The following OPCML variants were observed in gnomAD, a reference collection of about 807,000 sequenced individuals.
The protein encoded by OPCML is opioid binding protein/cell adhesion molecule like.
A neutral mutation model predicts 37.8 loss-of-function variants in OPCML; 13 were observed. That is an observed-to-expected ratio of 0.34 (90% CI 0.22 to 0.55). The LOEUF is 0.55. Ranked by LOEUF, OPCML falls within the 20% of genes least tolerant of loss-of-function variation. The pLI, the probability that OPCML is intolerant of heterozygous loss-of-function variation, is 0.91. For missense variants in OPCML, 341 were observed against 435.6 expected, an observed-to-expected ratio of 0.78 and a Z score of 1.93; for synonymous variants, 176 against 168.8, an observed-to-expected ratio of 1.04 and a Z score of -0.33.
chr11:132,662,358 C>T (rs1350802263), intron 2 of OPCML, among the ~76,000 whole-genome samples: 1 of 142,566 alleles, frequency 7.0e-6, no homozygotes, highest in Admixed American at 7.2e-5. Context: ...AATCAATTGG[C>T]TTTAACTTTT....
chr11:133,512,606 C>T (rs1189010516), intron 1 of OPCML, among the ~76,000 whole-genome samples: 1 of 152,222 alleles, frequency 6.6e-6, no homozygotes, highest in East Asian at 1.9e-4. Context: ...GAAGTCCCAA[C>T]CTTCCAATCA....
intron 1 of OPCML, among the ~76,000 whole-genome samples, chr11:133,140,825 ACG>A (rs1949779687): frequency 9.8e-5 from 3 of 30,570 alleles, no homozygotes; most frequent in African/African-American, 1.7e-4. Context: ...GAAGAAGAAG[ACG>A]ACGACGAAGA....
At chr11:133,000,524 C>T (rs1946978674) in intron 1 of OPCML, among the ~76,000 whole-genome samples, 1 of 152,218 alleles carries the variant, frequency 6.6e-6, no homozygotes, top group East Asian at 1.9e-4. Context: ...AACAATGCCC[C>T]TCACAAGCTC....
intron 1 of OPCML, among the ~76,000 whole-genome samples, chr11:133,289,474 A>C (rs950565092): frequency 2.0e-5 from 3 of 150,540 alleles, no homozygotes; most frequent in Admixed American, 6.6e-5. Context: ...GGGCGCCTGT[A>C]GTCCCAGCTA....
At chr11:133,291,815 A>T (rs537290409) in intron 1 of OPCML, among the ~76,000 whole-genome samples, 1 of 152,172 alleles carries the variant, frequency 6.6e-6, no homozygotes, top group African/African-American at 2.4e-5. Context: ...AATCTTCACA[A>T]AAAAGTTCAG....
chr11:132,658,100 T>C (rs1041721907), intron 2 of OPCML, among the ~76,000 whole-genome samples: 2 of 152,162 alleles, frequency 1.3e-5, no homozygotes, highest in African/African-American at 4.8e-5. Context: ...ACCTGCAGGC[T>C]GTCAGGTCTG....
At chr11:132,767,396 A>G (rs1258405249) in intron 2 of OPCML, among the ~76,000 whole-genome samples, 1 of 152,228 alleles carries the variant, frequency 6.6e-6, no homozygotes. Flanking sequence ...TTTGAGGTCA[A>G]TAACTAATAT....
intron 1 of OPCML, among the ~76,000 whole-genome samples, chr11:133,440,412 AAAG>A (rs1946337871): frequency 1.3e-5 from 2 of 148,612 alleles, no homozygotes; most frequent in Admixed American, 6.7e-5. Flanking sequence ...AAAAAAAAAA[AAAG>A]AAAGAAAGAA....
At chr11:132,471,788 C>A (rs1016753774) in intron 4 of OPCML, among the ~76,000 whole-genome samples, 3 of 152,182 alleles carry the variant, frequency 2.0e-5, no homozygotes, top group African/African-American at 7.2e-5. Flanking sequence ...TTAAGGATAG[C>A]CACGGACCTA....
At chr11:132,917,414 G>C (rs1185174061) in intron 2 of OPCML, among the ~76,000 whole-genome samples, 1 of 135,572 alleles carries the variant, frequency 7.4e-6, no homozygotes, top group African/African-American at 3.7e-5. Flanking sequence ...CTCTGGAGTA[G>C]TTAGCATGTT....
intron 3 of OPCML, among the ~76,000 whole-genome samples, chr11:132,570,044 T>G (rs527601241): frequency 6.6e-6 from 1 of 151,962 alleles, no homozygotes; most frequent in Non-Finnish European, 1.5e-5. Flanking sequence ...CTAAGGGCAA[T>G]TCTAAAAATT....
chr11:132,882,876 G>C (rs183879723), intron 2 of OPCML, among the ~76,000 whole-genome samples: 288 of 152,282 alleles, frequency 1.9e-3, no homozygotes, highest in African/African-American at 5.6e-3. Context: ...AAAAAACTCT[G>C]AAGATCAAGA....
chr11:132,863,913 AT>A (rs60564335), intron 2 of OPCML, among the ~76,000 whole-genome samples: 3 of 150,876 alleles, frequency 2.0e-5, no homozygotes, highest in Middle Eastern at 3.4e-3. Flanking sequence ...GTTATCACTG[AT>A]TTTTTTTATT....
Position 132,628,469 on chromosome 11 carries a change from A to T in OPCML, c.379+28618T>A, listed in dbSNP as rs897205857. On this transcript the variant is annotated intron_variant, in intron 3 of 7. Transcript: ENST00000524381. ...CTGGGGTCTTGCTGACCTTGGAAGC[A>T]CTACCCCTCCCAGGATTAGTCAATT... is the stretch of plus-strand genomic sequence containing the variant. 9.2e-5 allele frequency among the ~76,000 whole-genome samples: 14 copies of T among 152,276 alleles called. No individual in the cohort carries two copies. In the South Asian group the frequency reaches 2.5e-3, roughly 27 times the overall value.
intron 1 of OPCML, among the ~76,000 whole-genome samples, chr11:133,411,672 G>A (rs1945654923): frequency 6.6e-6 from 1 of 152,096 alleles, no homozygotes; most frequent in South Asian, 2.1e-4. Context: ...CATGAGAGGA[G>A]GGGTGGCCAA....
chr11:132,528,544 C>A (rs1183906411), intron 4 of OPCML, among the ~76,000 whole-genome samples: 1 of 152,198 alleles, frequency 6.6e-6, no homozygotes, highest in Non-Finnish European at 1.5e-5. Context: ...TCAGCACAGT[C>A]ATGCCCAAAT....
At chr11:133,162,359 A>G (rs547809406) in intron 1 of OPCML, among the ~76,000 whole-genome samples, 2 of 152,336 alleles carry the variant, frequency 1.3e-5, no homozygotes, top group Non-Finnish European at 2.9e-5. Context: ...CACGTGCCCC[A>G]GAATTTTGCT....
intron 1 of OPCML, among the ~76,000 whole-genome samples, chr11:133,098,659 G>A (rs77619064): frequency 0.012 from 1,893 of 152,222 alleles, 31 homozygotes; most frequent in Non-Finnish European, 0.019. Context: ...ACTAGGAATA[G>A]GAAGAAAATT....
At chr11:132,504,894 C>T (rs1343410307) in intron 4 of OPCML, among the ~76,000 whole-genome samples, 1 of 151,928 alleles carries the variant, frequency 6.6e-6, no homozygotes, top group East Asian at 1.9e-4. Context: ...TGGAGTCTAC[C>T]CTCATAGACT....
Sources: allele counts gnomAD v4.1 joint callset (sites outside exome capture counted in the v4.1 genomes callset), GRCh38; gene constraint gnomAD v4.1.1; transcripts MANE v1.5; gene names NCBI Gene and HGNC (gene_info 2026-07-23, HGNC 2026-07-21).